Variants in NUMB observed in about 807,000 individuals in gnomAD.
The protein encoded by NUMB is protein numb homolog.
In NUMB, 29 loss-of-function variants were observed where a neutral mutation model predicts 59.7. The observed-to-expected ratio is 0.49, with a 90% CI of 0.36 to 0.66. The LOEUF (loss-of-function observed/expected upper bound fraction) is 0.66. NUMB is among the 30% of genes least tolerant of loss of function. The pLI, the probability that NUMB is intolerant of heterozygous loss-of-function variation, is 0.00. For synonymous variants in NUMB, 288 were observed against 288.2 expected, an observed-to-expected ratio of 1.00 and a Z score of 0.01; for missense variants, 723 against 822.0, an observed-to-expected ratio of 0.88 and a Z score of 1.47.
At chr14:73,430,590 T>C (rs544574254) in intron 1 of NUMB, among the ~76,000 whole-genome samples, 82 of 152,016 alleles carry the variant, frequency 5.4e-4, no homozygotes, top group Non-Finnish European at 7.9e-4. Context: ...GCCATGATTA[T>C]GCCACTGCAC....
chr14:73,353,069 C>CTTTTTTTTT (rs1566756859), intron 4 of NUMB, among the ~76,000 whole-genome samples: 11 of 18,084 alleles, frequency 6.1e-4, no homozygotes, highest in Non-Finnish European at 8.1e-4. Context: ...CACAGTTTTT[C>CTTTTTTTTT]TTGTTTTTTT....
intron 2 of NUMB, among the ~76,000 whole-genome samples, chr14:73,396,321 GGTGTGTGTGTGTGT>G (rs200195176): frequency 3.9e-4 from 56 of 144,210 alleles, no homozygotes; most frequent in Admixed American, 2.4e-3. Flanking sequence ...AATTATTAGG[GGTGTGTGTGTGTGT>G]GTGTGTGTGT....
At chr14:73,394,418 A>ACTGC (rs1896017705) in intron 2 of NUMB, among the ~76,000 whole-genome samples, 1 of 150,724 alleles carries the variant, frequency 6.6e-6, no homozygotes, top group Non-Finnish European at 1.5e-5. Flanking sequence ...AAAAAAAAAA[A>ACTGC]AAAAAGAGAG....
In NUMB at chr14:73,300,419, C is replaced by G. The variant is rs192148824; in HGVS notation, c.235-3134G>C. The stretch of plus-strand genomic sequence containing the variant: ...CTGTGAATTTATGGTTTTAATTTAC[C>G]TGCTTTACTTTGCTGGGGAGAGGAA... On this transcript the variant is annotated intron_variant, in intron 6 of 12. Transcript: ENST00000555238. Among the ~76,000 whole-genome samples, 94 of 152,082 alleles carry G rather than the reference C, an allele frequency of 6.2e-4. No individual in the cohort carries two copies. The East Asian group carries it at 0.015, about 24-fold the overall frequency.
intron 1 of NUMB, among the ~76,000 whole-genome samples, chr14:73,447,444 C>T (rs942427359): frequency 2.6e-5 from 4 of 152,072 alleles, no homozygotes; most frequent in African/African-American, 7.2e-5. Context: ...GCCGAGATCA[C>T]GCCATTGCGC....
chr14:73,320,186 A>T (rs1033463376), intron 5 of NUMB, among the ~76,000 whole-genome samples: 1 of 152,124 alleles, frequency 6.6e-6, no homozygotes, highest in Non-Finnish European at 1.5e-5. Context: ...GAAACAGGAA[A>T]TTTACTCCAG....
intron 7 of NUMB, 116 bp from the exon 8 acceptor site, chr14:73,292,990 G>T: frequency 1.0e-6 from 1 of 1,000,118 alleles, no homozygotes; most frequent in Non-Finnish European, 1.5e-6. Flanking sequence ...ACTAGGCTAT[G>T]GAATACCTAG....
chr14:73,341,779 C>T (rs1163885600), intron 4 of NUMB, among the ~76,000 whole-genome samples: 2 of 152,140 alleles, frequency 1.3e-5, no homozygotes, highest in South Asian at 2.1e-4. Flanking sequence ...CTATATTCAA[C>T]ATTGTTTAAT....
intron 11 of NUMB, among the ~76,000 whole-genome samples, chr14:73,281,857 C>T (rs749977705): frequency 3.9e-5 from 6 of 152,024 alleles, no homozygotes; most frequent in Non-Finnish European, 7.3e-5. Flanking sequence ...TGGGTGCTGT[C>T]GTCTACACTG....
chr14:73,406,613 A>C (rs1459906867), intron 2 of NUMB, among the ~76,000 whole-genome samples: 1 of 152,162 alleles, frequency 6.6e-6, no homozygotes, highest in African/African-American at 2.4e-5. Context: ...TATACCCAGT[A>C]ATGCAATGGC....
At chr14:73,405,477 G>A (rs1310685587) in intron 2 of NUMB, among the ~76,000 whole-genome samples, 3 of 113,902 alleles carry the variant, frequency 2.6e-5, no homozygotes, top group Non-Finnish European at 5.1e-5. Flanking sequence ...TCACTCTGTT[G>A]CCCAGGCTAG....
intron 1 of NUMB, among the ~76,000 whole-genome samples, chr14:73,423,898 G>A (rs1364061728): frequency 1.3e-5 from 2 of 150,746 alleles, no homozygotes; most frequent in Middle Eastern, 3.2e-3. Context: ...CCCGGGAGGC[G>A]GAGGTTGCAG....
At chr14:73,292,673 C>G (rs917071217) in intron 8 of NUMB, 61 bp downstream of exon 8, 2 of 1,575,034 alleles carry the variant, frequency 1.3e-6, no homozygotes, top group Non-Finnish European at 1.7e-6. Flanking sequence ...GCTGAGCAAA[C>G]CCAGAAAGAG....
At position 73,350,008 on chromosome 14, in the gene NUMB, G is replaced by A. The variant is rs1196773345; in HGVS notation, c.126+5618C>T. On this transcript the variant is annotated intron_variant, in intron 4 of 12. Coordinates refer to ENST00000555238, the MANE Select transcript of NUMB (RefSeq NM_001005743.2). ...AGCAGTGAGGCGTGGTTGCACCACT[G>A]CACTCCAGCCTGGGCGAGAGTGAGG... is the stretch of plus-strand genomic sequence containing the variant. 1.3e-5 allele frequency among the ~76,000 whole-genome samples: 2 copies of A among 151,920 alleles called. 1 individual carries two copies. Among genetic ancestry groups the A allele is most frequent in the East Asian group, 3.9e-4 (2 of 5,188 alleles).
At chr14:73,331,800 AGAGGTGCCTTCTGCCAC>A (rs1158417484) in intron 4 of NUMB, among the ~76,000 whole-genome samples, 1 of 152,150 alleles carries the variant, frequency 6.6e-6, no homozygotes, top group African/African-American at 2.4e-5. Context: ...CACCTTGTGA[AGAGGTGCCTTCTGCCAC>A]GATTGCAAGT....
At chr14:73,346,956 C>G (rs928436113) in intron 4 of NUMB, among the ~76,000 whole-genome samples, 2 of 152,148 alleles carry the variant, frequency 1.3e-5, no homozygotes, top group African/African-American at 4.8e-5. Context: ...TAGTTCCCAT[C>G]TTAATAACAA....
chr14:73,351,225 G>C (rs1007452521), intron 4 of NUMB, among the ~76,000 whole-genome samples: 1 of 152,174 alleles, frequency 6.6e-6, no homozygotes, highest in East Asian at 1.9e-4. Context: ...TGCAATCCCA[G>C]GACTTTGGGA....
chr14:73,440,229 GGATATCCATATAT>G (rs1566798210), intron 1 of NUMB, among the ~76,000 whole-genome samples: 3 of 61,376 alleles, frequency 4.9e-5, no homozygotes, highest in African/African-American at 2.6e-4. Context: ...ATATATATAT[GGATATCCATATAT>G]ATATACATCC....
chr14:73,282,237 A>C, intron 11 of NUMB, 122 bp downstream of exon 11: 3 of 817,318 alleles, frequency 3.7e-6, no homozygotes, highest in Non-Finnish European at 5.5e-6. Context: ...GACATCAAAT[A>C]GAGAAATTAA....
Sources: gnomAD v4.1 joint callset for allele counts (sites outside exome capture counted in the v4.1 genomes callset) on GRCh38, gnomAD v4.1.1 for gene constraint, MANE v1.5 for transcripts, NCBI Gene and HGNC (gene_info 2026-07-23, HGNC 2026-07-21) for gene names.